Variants in KITLG observed in about 807,000 individuals in gnomAD.
KITLG encodes the protein c-Kit ligand.
In KITLG, 13 loss-of-function variants were observed where a neutral mutation model predicts 34.1. That is an observed-to-expected ratio of 0.38 (90% confidence interval 0.25 to 0.61). The LOEUF is 0.61. KITLG is among the 20% of genes least tolerant of loss of function. The pLI, the probability that KITLG is intolerant of heterozygous loss-of-function variation, is 0.60. For missense variants in KITLG, 292 were observed against 318.9 expected (o/e 0.92, Z 0.64); for synonymous variants, 110 against 104.0 (o/e 1.06, Z -0.35).
rs183336183 is a variant in KITLG, at chr12:88,568,982, T to A, written c.15+11282A>T. On this transcript the variant is annotated intron_variant, in intron 1 of 9. Transcript: ENST00000644744. ...TCAAGCTAGAGTCAAGAGCCAGAGG[T>A]AAAATCTATATGCTTTTGACACAAA... Among the ~76,000 whole-genome samples, 530 of 152,266 alleles carry A rather than the reference T, an allele frequency of 3.5e-3. 1 individual carries two copies. The highest frequency in any genetic ancestry group is 0.01 in the Middle Eastern group (3 of 294).
intron 1 of KITLG, among the ~76,000 whole-genome samples, chr12:88,554,867 T>C (rs1871046446): frequency 6.6e-6 from 1 of 152,194 alleles, no homozygotes; most frequent in Non-Finnish European, 1.5e-5. Flanking sequence ...ATTTAGTAGA[T>C]TTGTTAGTTT....
chr12:88,544,707 C>T (rs1339865077), intron 2 of KITLG, among the ~76,000 whole-genome samples: 1 of 152,078 alleles, frequency 6.6e-6, no homozygotes, highest in Non-Finnish European at 1.5e-5. Flanking sequence ...TAAATTGTGT[C>T]TGTGTGTTTC....
At chr12:88,504,506 G>GA (rs1868976678) in intron 9 of KITLG, among the ~76,000 whole-genome samples, 1 of 152,062 alleles carries the variant, frequency 6.6e-6, no homozygotes, top group Non-Finnish European at 1.5e-5. Flanking sequence ...ACAGACACGT[G>GA]AAAAAATGCT....
chr12:88,568,006 A>G (rs577712389), intron 1 of KITLG, among the ~76,000 whole-genome samples: 1 of 152,336 alleles, frequency 6.6e-6, no homozygotes, highest in South Asian at 2.1e-4. Context: ...ATGTACTTGG[A>G]AAATTTATAT....
intron 3 of KITLG, among the ~76,000 whole-genome samples, chr12:88,520,211 CAG>C (rs1194463868): frequency 2.0e-5 from 3 of 152,168 alleles, no homozygotes; most frequent in Non-Finnish European, 2.9e-5. Flanking sequence ...ATGTGCAGAA[CAG>C]AGTCTTTGTT....
At chr12:88,514,134 T>C (rs1869376078) in intron 6 of KITLG, among the ~76,000 whole-genome samples, 1 of 151,536 alleles carries the variant, frequency 6.6e-6, no homozygotes, top group Non-Finnish European at 1.5e-5. Context: ...TTTAGAAAAA[T>C]AATAAAATCA....
intron 1 of KITLG, among the ~76,000 whole-genome samples, chr12:88,564,791 C>T (rs1203036509): frequency 4.0e-5 from 6 of 150,496 alleles, no homozygotes; most frequent in Admixed American, 4.0e-4. Flanking sequence ...TCATTTTAAA[C>T]ACTTCAGAAT....
intron 1 of KITLG, among the ~76,000 whole-genome samples, chr12:88,558,041 T>C (rs1871158010): frequency 6.6e-6 from 1 of 152,190 alleles, no homozygotes; most frequent in Non-Finnish European, 1.5e-5. Context: ...CTCTAAAATA[T>C]TTTGAACTCC....
intron 7 of KITLG, among the ~76,000 whole-genome samples, chr12:88,506,733 A>C (rs1409689287): frequency 1.3e-5 from 2 of 152,164 alleles, no homozygotes; most frequent in African/African-American, 4.8e-5. Context: ...AGATAATACA[A>C]ATGACATTTC....
intron 1 of KITLG, among the ~76,000 whole-genome samples, chr12:88,548,317 G>A (rs749844047): frequency 2.0e-5 from 3 of 152,054 alleles, no homozygotes; most frequent in Non-Finnish European, 2.9e-5. Context: ...AGCTGGGTGT[G>A]GCAGTGCATG....
intron 1 of KITLG, among the ~76,000 whole-genome samples, chr12:88,569,552 C>G (rs566342942): frequency 3.9e-5 from 6 of 152,104 alleles, no homozygotes; most frequent in African/African-American, 1.4e-4. Context: ...GTGTCCAGCA[C>G]TGGACTAAGT....
chr12:88,522,771 AAG>A (rs1283121636), intron 3 of KITLG, among the ~76,000 whole-genome samples: 1 of 152,186 alleles, frequency 6.6e-6, no homozygotes, highest in Non-Finnish European at 1.5e-5. Context: ...TTTACGGATT[AAG>A]AAGCTGAAAG....
intron 2 of KITLG, among the ~76,000 whole-genome samples, chr12:88,544,085 A>G (rs1870619920): frequency 6.6e-6 from 1 of 152,140 alleles, no homozygotes; most frequent in South Asian, 2.1e-4. Context: ...TACTTCCAGT[A>G]ATGCCACCTG....
chr12:88,556,250 T>C (rs11104951), intron 1 of KITLG, among the ~76,000 whole-genome samples: 11,390 of 147,934 alleles, frequency 0.077, 495 homozygotes, highest in Non-Finnish European at 0.1. Context: ...GCTAGAGAGA[T>C]ATGCAGAGGC....
intron 1 of KITLG, chr12:88,564,234 A>G (rs1042512377): frequency 2.0e-5 from 3 of 152,222 alleles, no homozygotes; most frequent in African/African-American, 7.2e-5. Context: ...TTGACTCTTA[A>G]TAATGCTGGG....
intron 9 of KITLG, among the ~76,000 whole-genome samples, chr12:88,498,992 G>T (rs1201118860): frequency 6.6e-6 from 1 of 152,096 alleles, no homozygotes; most frequent in Non-Finnish European, 1.5e-5. Flanking sequence ...GTAAAGACTG[G>T]CACCTGTTTT....
At chr12:88,541,478 G>C (rs192580639) in intron 2 of KITLG, among the ~76,000 whole-genome samples, 239 of 152,230 alleles carry the variant, frequency 1.6e-3, no homozygotes, top group African/African-American at 5.4e-3. Context: ...CACAAACAAA[G>C]AGAAGAGTAG....
At chr12:88,546,174 G>T (rs1002667779) in intron 1 of KITLG, 2 of 416,342 alleles carry the variant, frequency 4.8e-6, no homozygotes, top group African/African-American at 2.0e-5. Context: ...AGCCCTTAGG[G>T]TATCTTCTAA....
At chr12:88,577,528 A>C (rs1871867290) in intron 1 of KITLG, among the ~76,000 whole-genome samples, 1 of 152,362 alleles carries the variant, frequency 6.6e-6, no homozygotes, top group East Asian at 1.9e-4. Flanking sequence ...GTGTATCAGA[A>C]TATTATGTTT....
Sources: gnomAD v4.1 joint callset for allele counts (sites outside exome capture counted in the v4.1 genomes callset) on GRCh38, gnomAD v4.1.1 for gene constraint, MANE v1.5 for transcripts, NCBI Gene and HGNC (gene_info 2026-07-23, HGNC 2026-07-21) for gene names.